Variants in ZC3H6 observed in about 807,000 individuals in gnomAD.
ZC3H6 encodes zinc finger CCCH-type containing 6, also known as zinc finger CCCH domain-containing protein 6.
ZC3H6 carries 40 observed loss-of-function variants against 107.7 expected under a neutral mutation model. That is an observed-to-expected ratio of 0.37 (90% CI 0.29 to 0.48). The LOEUF (loss-of-function observed/expected upper bound fraction) is 0.48. Among genes scored for constraint, ZC3H6 ranks in the 20% least tolerant of loss-of-function variants. ZC3H6 has a pLI of 0.98. For missense variants in ZC3H6, 1,267 were observed against 1,410.4 expected (o/e 0.90, Z 1.63); for synonymous variants, 493 against 487.9 (o/e 1.01, Z -0.14).
rs759111593 is a variant in ZC3H6, at chr2:112,325,063, G to T, written c.1952G>T (p.Gly651Val). The T allele has an allele frequency of 3.1e-6, 5 of 1,613,900 alleles. No homozygotes were observed. Among genetic ancestry groups the T allele is most frequent in the Non-Finnish European group, 2.5e-6 (3 of 1,179,854 alleles). The change falls in exon 11 of 12, where the codon GGC becomes GTC. Residue 651 changes from glycine to valine, a missense_variant. This residue lies in a region of ZC3H6 where 925 missense variants were observed against 1,025.7 expected (regional missense o/e 0.90). Transcript: ENST00000409871. ...SGSDGSSTRT[G>V]HGPLPVPGLL... ...TCTGATGGCAGCAGCACTAGGACAGGCCATGGCCCTCTGCCTGTACCAGGC... is the reference window on the plus strand; with the variant it reads ...TCTGATGGCAGCAGCACTAGGACAGTCCATGGCCCTCTGCCTGTACCAGGC...
At chr2:112,277,115 A>G (rs983404930) in intron 1 of ZC3H6, among the ~76,000 whole-genome samples, 27 of 152,222 alleles carry the variant, frequency 1.8e-4, no homozygotes, top group African/African-American at 6.5e-4. Flanking sequence ...CTAAATACCT[A>G]GCAATCTTGA....
At chr2:112,321,896 C>A in intron 8 of ZC3H6, 31 bp downstream of exon 8, 3 of 1,020,296 alleles carry the variant, frequency 2.9e-6, no homozygotes, top group South Asian at 3.4e-5. Flanking sequence ...TTGATTATGT[C>A]TCTCCACAAA....
chr2:112,318,761 C>T (rs958799734), intron 7 of ZC3H6, among the ~76,000 whole-genome samples: 1 of 152,058 alleles, frequency 6.6e-6, no homozygotes, highest in Non-Finnish European at 1.5e-5. Flanking sequence ...GCAGTTTCTC[C>T]ACAATAGACC....
intron 1 of ZC3H6, among the ~76,000 whole-genome samples, chr2:112,288,049 T>A (rs968001738): frequency 1.3e-5 from 2 of 152,232 alleles, no homozygotes; most frequent in African/African-American, 4.8e-5. Flanking sequence ...GATCACTAGA[T>A]GTCATACTCC....
intron 1 of ZC3H6, among the ~76,000 whole-genome samples, chr2:112,290,756 A>G (rs1382812896): frequency 1.3e-5 from 2 of 152,192 alleles, no homozygotes; most frequent in Non-Finnish European, 2.9e-5. Context: ...ATTAAGTCAG[A>G]ATGTCAGACA....
Position 112,309,932 on chromosome 2 carries a change from TAAC to T in ZC3H6, c.387_389del (p.Asn129del). 1 of 1,599,132 alleles carries T rather than the reference TAAC, an allele frequency of 6.3e-7. No individual in the cohort carries two copies. The highest frequency in any genetic ancestry group is 2.3e-5 in the East Asian group (1 of 44,442). On this transcript the variant is annotated inframe_deletion, in exon 4 of 12. Coordinates refer to ENST00000409871, the MANE Select transcript of ZC3H6 (RefSeq NM_198581.3). ...ACATAACATCAAAGAAGGGTCAACA[TAAC>T]AAAAAATTTAAAAGTAAAGAATATG...
chr2:112,307,255 A>C (rs928118788), intron 3 of ZC3H6, among the ~76,000 whole-genome samples: 3 of 152,210 alleles, frequency 2.0e-5, no homozygotes, highest in Admixed American at 2.0e-4. Context: ...AAATTTGAAT[A>C]TACTGTTAAC....
At chr2:112,282,182 T>C (rs1320424810) in intron 1 of ZC3H6, among the ~76,000 whole-genome samples, 1 of 152,198 alleles carries the variant, frequency 6.6e-6, no homozygotes, top group Non-Finnish European at 1.5e-5. Flanking sequence ...TCTTAAGTTT[T>C]CACCTGGACA....
In ZC3H6 at chr2:112,332,533, A is replaced by C; in HGVS notation, c.*45A>C. On this transcript the variant is annotated 3_prime_UTR_variant, in exon 12 of 12. Coordinates refer to ENST00000409871, the MANE Select transcript of ZC3H6 (RefSeq NM_198581.3). ...TTCTTTTCACTCTTGTGACTATCTC[A>C]GTCCTCTGCTGTTTTGTAACTGGTT... 222 of 1,520,352 alleles carry C rather than the reference A, an allele frequency of 1.5e-4. No homozygotes were observed. The highest frequency in any genetic ancestry group is 1.8e-4 in the Non-Finnish European group (198 of 1,127,750). 94.2% of individuals were successfully genotyped at this position (1,520,352 alleles called of 1,614,324 possible). A position where few individuals can be genotyped will look rare whatever the true frequency, so the allele number is the denominator to read the frequency against.
chr2:112,289,864 C>T (rs1393802654), intron 1 of ZC3H6, among the ~76,000 whole-genome samples: 2 of 152,160 alleles, frequency 1.3e-5, no homozygotes, highest in Non-Finnish European at 2.9e-5. Context: ...CCCCAGCCTC[C>T]AGAGTGGCTG....
Position 112,336,016 on chromosome 2 carries a change from T to TG in ZC3H6, c.*3528_*3529insG, listed in dbSNP as rs1677131443. ...GGCAAAGTGGCCAGCTCATTCAATATAAGAGCCACCAGCTCTTAGAAACAA... is the reference window on the plus strand; with the variant it reads ...GGCAAAGTGGCCAGCTCATTCAATATGAAGAGCCACCAGCTCTTAGAAACAA... On this transcript the variant is annotated 3_prime_UTR_variant, in exon 12 of 12. Coordinates refer to ENST00000409871, the MANE Select transcript of ZC3H6 (RefSeq NM_198581.3). 6.6e-6 allele frequency: 1 copy of TG among 152,348 alleles called. No individual in the cohort carries two copies. Among genetic ancestry groups the TG allele is most frequent in the Admixed American group, 6.5e-5 (1 of 15,304 alleles). 9.4% of individuals were successfully genotyped at this position (152,348 alleles called of 1,614,324 possible). A position where few individuals can be genotyped will look rare whatever the true frequency, so the allele number is the denominator to read the frequency against.
At chr2:112,313,640 G>A (rs923439373) in intron 5 of ZC3H6, among the ~76,000 whole-genome samples, 4 of 152,186 alleles carry the variant, frequency 2.6e-5, no homozygotes, top group Non-Finnish European at 5.9e-5. Context: ...TATCAGTCAT[G>A]TCAATTTATT....
intron 5 of ZC3H6, among the ~76,000 whole-genome samples, chr2:112,315,173 A>G (rs899849096): frequency 1.3e-5 from 2 of 152,188 alleles, no homozygotes; most frequent in Non-Finnish European, 1.5e-5. Context: ...ATGAAAAATA[A>G]TGTTGTTTTT....
intron 10 of ZC3H6, 94 bp downstream of exon 10, chr2:112,324,757 G>A: frequency 7.7e-7 from 1 of 1,305,746 alleles, no homozygotes; most frequent in East Asian, 2.5e-5. Context: ...TTTAAGTAAA[G>A]CTGAGTAAAA....
At chr2:112,282,013 A>G (rs1332214777) in intron 1 of ZC3H6, among the ~76,000 whole-genome samples, 1 of 152,180 alleles carries the variant, frequency 6.6e-6, no homozygotes, top group Non-Finnish European at 1.5e-5. Context: ...CTGACAGAAT[A>G]TCTTAAAATA....
At chr2:112,285,680 C>T (rs1355203007) in intron 1 of ZC3H6, among the ~76,000 whole-genome samples, 8 of 151,932 alleles carry the variant, frequency 5.3e-5, no homozygotes, top group South Asian at 2.1e-4. Context: ...AAAATATTCT[C>T]GGGCCGTGTG....
Position 112,303,363 on chromosome 2 carries a change from T to C in ZC3H6, c.336+12T>C. On this transcript the variant is annotated intron_variant, in intron 3 of 11. Transcript: ENST00000409871. ...TTCCATTTACTCAGGTATTGCCATT[T>C]TTTTGTTTTGTGATAAAACATAGAT... 2 of 1,608,064 alleles carry C rather than the reference T, an allele frequency of 1.2e-6. No individual in the cohort carries two copies. The highest frequency in any genetic ancestry group is 1.7e-6 in the Non-Finnish European group (2 of 1,176,354).
chr2:112,303,215 T>G lies in ZC3H6; in HGVS notation c.214-14T>G. The G allele has an allele frequency of 2.5e-6, 4 of 1,594,102 alleles. No individual in the cohort carries two copies. Among genetic ancestry groups the G allele is most frequent in the Non-Finnish European group, 3.4e-6 (4 of 1,173,498 alleles). ...TTTGCAAATGTAACATATTTGTCTT[T>G]CCCCTCCCTTCAGCATAATTCCCCA... On this transcript the variant is annotated splice_polypyrimidine_tract_variant and intron_variant, in intron 2 of 11. Coordinates refer to ENST00000409871, the MANE Select transcript of ZC3H6 (RefSeq NM_198581.3).
chr2:112,316,394 A>G, intron 5 of ZC3H6, 76 bp from the exon 6 acceptor site: 1 of 879,942 alleles, frequency 1.1e-6, no homozygotes, highest in Non-Finnish European at 1.8e-6. Flanking sequence ...ACTTTTTTCC[A>G]GATCAACTTA....
Sources: allele counts gnomAD v4.1 joint callset (sites outside exome capture counted in the v4.1 genomes callset), GRCh38; gene constraint gnomAD v4.1.1; regional missense constraint gnomAD v4.1.1; transcripts MANE v1.5; gene names NCBI Gene and HGNC (gene_info 2026-07-23, HGNC 2026-07-21).